The following PDZD9 variants were observed in gnomAD, a reference collection of about 807,000 sequenced individuals.
PDZD9 encodes PDZ domain containing 9.
In PDZD9, 13 loss-of-function variants were observed where a neutral mutation model predicts 16.3. The ratio of observed to expected loss-of-function variants is 0.80; its 90% CI spans 0.52 to 1.27. The LOEUF is 1.27. Ranked by LOEUF, PDZD9 falls within the 50% of genes most tolerant of loss-of-function variation. PDZD9 has a pLI of 0.00. For synonymous variants in PDZD9, 120 were observed against 111.0 expected (o/e 1.08, Z -0.51); for missense variants, 288 against 310.9 (o/e 0.93, Z 0.55).
chr16:21,986,705 C>A (rs1898884814), intron 3 of PDZD9, among the ~76,000 whole-genome samples: 1 of 152,148 alleles, frequency 6.6e-6, no homozygotes, highest in African/African-American at 2.4e-5. Flanking sequence ...TTCACATTCT[C>A]CCAGGGAAAC....
the PDZD9 span, chr16:21,974,033 A>G: frequency 6.7e-7 from 1 of 1,494,100 alleles, no homozygotes; most frequent in Non-Finnish European, 9.2e-7. Context: ...CCCCCCCGCC[A>G]TAAACATGTT....
intron 2 of PDZD9, among the ~76,000 whole-genome samples, chr16:21,994,723 A>C (rs1408696621): frequency 6.6e-6 from 1 of 152,216 alleles, no homozygotes; most frequent in East Asian, 1.9e-4. Flanking sequence ...ATCTTTACGC[A>C]CTGAGAGCCA....
At chr16:21,968,560 CT>C in the PDZD9 span, 1 of 1,432,420 alleles carries the variant, frequency 7.0e-7, no homozygotes, top group South Asian at 1.3e-5. Flanking sequence ...CCAAACTGTA[CT>C]TTTATGTTTT....
the PDZD9 span, chr16:21,962,340 T>C: frequency 8.4e-7 from 1 of 1,183,438 alleles, no homozygotes; most frequent in East Asian, 2.4e-5. Flanking sequence ...GTTATATTAT[T>C]GTTCGCACCT....
downstream of PDZD9, among the ~76,000 whole-genome samples, chr16:21,979,484 A>G (rs1025374985): frequency 2.0e-5 from 3 of 152,180 alleles, no homozygotes; most frequent in Admixed American, 1.3e-4. Context: ...GGTATAGTCT[A>G]TTGCTCTTAG....
intron 1 of PDZD9, among the ~76,000 whole-genome samples, chr16:21,997,875 C>A (rs1899189393): frequency 6.6e-6 from 1 of 152,102 alleles, no homozygotes; most frequent in Non-Finnish European, 1.5e-5. Flanking sequence ...CACAAGCTTG[C>A]CAAGTCCATG....
chr16:21,983,371 A>G, downstream of PDZD9: 1 of 532,580 alleles, frequency 1.9e-6, no homozygotes, highest in Non-Finnish European at 3.3e-6. Context: ...GTTTTTCTCA[A>G]TGAGTTAATC....
chr16:21,965,675 T>C, the PDZD9 span: 3 of 531,380 alleles, frequency 5.6e-6, no homozygotes, highest in South Asian at 8.1e-5. Context: ...TGAACAATTT[T>C]TGTGTCTCCT....
At chr16:21,982,591 C>T (rs561276773), downstream of PDZD9, among the ~76,000 whole-genome samples, 3 of 152,276 alleles carry the variant, frequency 2.0e-5, no homozygotes, top group East Asian at 3.9e-4. Flanking sequence ...AGCTTTTCCT[C>T]CCACACTGTC....
chr16:22,000,823 CAAAT>C (rs1381550673), intron 1 of PDZD9, among the ~76,000 whole-genome samples, 190 bp downstream of exon 1: 2 of 131,458 alleles, frequency 1.5e-5, no homozygotes, highest in African/African-American at 3.0e-5. Flanking sequence ...GACTCCTTCT[CAAAT>C]GATGATGATG....
chr16:21,981,511 T>C (rs1898727386), downstream of PDZD9, among the ~76,000 whole-genome samples: 1 of 152,082 alleles, frequency 6.6e-6, no homozygotes, highest in South Asian at 2.1e-4. Context: ...CCCAGCACTT[T>C]GGAAGGCTGA....
intron 2 of PDZD9, among the ~76,000 whole-genome samples, chr16:21,993,303 C>T (rs1899068741): frequency 6.6e-6 from 1 of 152,080 alleles, no homozygotes; most frequent in Non-Finnish European, 1.5e-5. Context: ...ACTCTAGCAC[C>T]CTGGAGTATG....
At chr16:21,994,916 G>A (rs1204335994) in intron 2 of PDZD9, among the ~76,000 whole-genome samples, 3 of 151,548 alleles carry the variant, frequency 2.0e-5, no homozygotes, top group Non-Finnish European at 4.4e-5. Flanking sequence ...CTACAGCCTC[G>A]GCCTCCTGCA....
chr16:21,992,373 G>A (rs574112332), intron 2 of PDZD9, among the ~76,000 whole-genome samples: 18 of 152,234 alleles, frequency 1.2e-4, no homozygotes, highest in Admixed American at 9.2e-4. Flanking sequence ...TAGGTGTGAC[G>A]GTTAATATTG....
chr16:21,958,507 C>G, the PDZD9 span: 1 of 1,607,112 alleles, frequency 6.2e-7, no homozygotes, highest in East Asian at 2.2e-5. Flanking sequence ...TGAAAAGCTA[C>G]AAAGATAATC....
rs1898802370 is a variant in PDZD9, at chr16:21,983,975, A to G, written c.*292T>C. ...TTTACATAAAGTGACATTCTCTACT[A>G]TGTTCAGACATTCTGATATTGGATT... On this transcript the variant is annotated 3_prime_UTR_variant, in exon 4 of 4. Transcript: ENST00000424898. 1 of 239,134 alleles carries G rather than the reference A, an allele frequency of 4.2e-6. No individual in the cohort carries two copies. Among genetic ancestry groups the G allele is most frequent in the Non-Finnish European group, 8.0e-6 (1 of 124,444 alleles). 14.8% of individuals were successfully genotyped at this position (239,134 alleles called of 1,614,324 possible).
chr16:21,990,331 A>G (rs1249459987), intron 2 of PDZD9, among the ~76,000 whole-genome samples: 1 of 152,126 alleles, frequency 6.6e-6, no homozygotes, highest in Non-Finnish European at 1.5e-5. Context: ...AAAGAAGAAA[A>G]GGGTCAAGAA....
the PDZD9 span, chr16:21,976,758 T>A: frequency 2.6e-5 from 4 of 152,240 alleles, no homozygotes; most frequent in African/African-American, 9.7e-5. Context: ...TATACTTTTT[T>A]ATCTTATTTA....
At chr16:21,965,406 A>C in the PDZD9 span, 1 of 1,613,736 alleles carries the variant, frequency 6.2e-7, no homozygotes, top group Non-Finnish European at 8.5e-7. Context: ...CTTATCTCAC[A>C]GATGTCATTG....
Sources: gnomAD v4.1 joint callset for allele counts (sites outside exome capture counted in the v4.1 genomes callset) on GRCh38, gnomAD v4.1.1 for gene constraint, MANE v1.5 for transcripts, NCBI Gene and HGNC (gene_info 2026-07-23, HGNC 2026-07-21) for gene names.